IFT81: variants seen among roughly 807,000 people sequenced by gnomAD.
IFT81 encodes intraflagellar transport 81, also known as intraflagellar transport protein 81 homolog.
A neutral mutation model predicts 102.6 loss-of-function variants in IFT81; 72 were observed. The ratio of observed to expected loss-of-function variants is 0.70; its 90% CI spans 0.58 to 0.85. IFT81 has a LOEUF of 0.85. Ranked by LOEUF, IFT81 falls within the 40% of genes least tolerant of loss-of-function variation. The pLI is 0.00. For synonymous variants in IFT81, 237 were observed against 242.7 expected, an observed-to-expected ratio of 0.98 and a Z score of 0.22; for missense variants, 723 against 787.3, an observed-to-expected ratio of 0.92 and a Z score of 0.98.
At position 110,139,800 on chromosome 12, in the gene IFT81, CAATAAAATAAAATAAAATA is replaced by C. The variant is rs1434439589; in HGVS notation, c.781+2962_781+2980del. On this transcript the variant is annotated intron_variant, in intron 8 of 18. Transcript: ENST00000242591. ...AAATAAACACATACATACATACATACAATAAAATAAAATAAAATAAATAAAATAAAATAAAATAAAATAA... is the reference window on the plus strand; with the variant it reads ...AAATAAACACATACATACATACATACAATAAAATAAAATAAAATAAAATAA... 1.2e-4 allele frequency among the ~76,000 whole-genome samples: 11 copies of C among 89,632 alleles called. No individual in the cohort carries two copies. In the South Asian group the frequency reaches 3.3e-3, roughly 27 times the overall value. The allele number at this position is 89,632 out of a possible 152,430, so 58.8% of individuals were successfully genotyped here.
chr12:110,146,951 A>G lies in IFT81; in HGVS notation c.946-2A>G. ...TTTTTTTTTGCTTTCATGCTATTTT[A>G]GATAAATGAAATAAACACAGAAATT... On this transcript the variant is annotated splice_acceptor_variant, in intron 9 of 18. Transcript: ENST00000242591. LOFTEE classifies it high-confidence loss of function. 1 of 1,599,384 alleles carries G rather than the reference A, an allele frequency of 6.3e-7. No homozygotes were observed. The highest frequency in any genetic ancestry group is 8.5e-7 in the Non-Finnish European group (1 of 1,174,108).
At chr12:110,127,043 A>G (rs1459791202) in intron 1 of IFT81, among the ~76,000 whole-genome samples, 1 of 152,198 alleles carries the variant, frequency 6.6e-6, no homozygotes, top group African/African-American at 2.4e-5. Flanking sequence ...CTGGGTAGAA[A>G]TTATGCACCG....
intron 10 of IFT81, among the ~76,000 whole-genome samples, chr12:110,152,506 G>T (rs7954365): frequency 1.3e-5 from 2 of 151,894 alleles, no homozygotes; most frequent in Non-Finnish European, 2.9e-5. Context: ...CTGTTTTTTT[G>T]ATATTGAGTT....
chr12:110,135,125 C>CGA lies in IFT81; in HGVS notation c.585+112_585+113insGA, dbSNP rs1894403930. ...GCATGAGTGTACATCTGAGGATGGA[C>CGA]TCAAATAACATTGACGAAAAGGGAA... On this transcript the variant is annotated intron_variant, in intron 6 of 18. Coordinates refer to ENST00000242591, the MANE Select transcript of IFT81 (RefSeq NM_014055.4). The CGA allele has an allele frequency of 4.7e-6, 4 of 857,114 alleles. No homozygotes were observed. In the East Asian group the frequency reaches 1.0e-4, roughly 21 times the overall value. 53.1% of individuals were successfully genotyped at this position (857,114 alleles called of 1,614,324 possible). A position where few individuals can be genotyped will look rare whatever the true frequency, so the allele number is the denominator to read the frequency against.
At chr12:110,181,959 A>G (rs1897325549) in intron 12 of IFT81, among the ~76,000 whole-genome samples, 1 of 152,192 alleles carries the variant, frequency 6.6e-6, no homozygotes, top group Admixed American at 6.5e-5. Flanking sequence ...CCCATGATCA[A>G]CTTTGGAACA....
At chr12:110,139,356 GAA>G (rs1894709431) in intron 8 of IFT81, among the ~76,000 whole-genome samples, 1 of 128,838 alleles carries the variant, frequency 7.8e-6, no homozygotes. Context: ...AAAAAAAAAA[GAA>G]AAGGAAAAAA....
At chr12:110,188,844 G>A (rs567217392) in intron 12 of IFT81, among the ~76,000 whole-genome samples, 5 of 151,222 alleles carry the variant, frequency 3.3e-5, no homozygotes, top group Admixed American at 6.6e-5. Flanking sequence ...CAGGAGAATC[G>A]CTTGAACCCG....
chr12:110,134,519 C>A (rs1894367078), intron 5 of IFT81, among the ~76,000 whole-genome samples: 1 of 152,080 alleles, frequency 6.6e-6, no homozygotes, highest in African/African-American at 2.4e-5. Context: ...ATACCATAGC[C>A]TTAAAAATAA....
intron 7 of IFT81, among the ~76,000 whole-genome samples, chr12:110,136,224 ATTACTT>A (rs987394718): frequency 1.3e-5 from 2 of 152,240 alleles, no homozygotes; most frequent in African/African-American, 4.8e-5. Context: ...CTAAGAAATT[ATTACTT>A]TTACTTATTA....
At chr12:110,149,466 TAGTC>T (rs1427910483) in intron 10 of IFT81, among the ~76,000 whole-genome samples, 3 of 152,150 alleles carry the variant, frequency 2.0e-5, no homozygotes, top group African/African-American at 7.2e-5. Flanking sequence ...CGGCTTGTGT[TAGTC>T]AGCTCAATTA....
In IFT81 at chr12:110,192,603, T is replaced by G; in HGVS notation, c.1468-14T>G. ...ATTCTTTTTTAGGTGTTATATTTTT[T>G]GTTCAAATAACAGGTGAAAAAACTG... On this transcript the variant is annotated splice_polypyrimidine_tract_variant and intron_variant, in intron 13 of 18. Coordinates refer to ENST00000242591, the MANE Select transcript of IFT81 (RefSeq NM_014055.4). The G allele has an allele frequency of 7.3e-7, 1 of 1,365,394 alleles. No individual in the cohort carries two copies. The highest frequency in any genetic ancestry group is 2.3e-5 in the Admixed American group (1 of 42,786). 84.6% of individuals were successfully genotyped at this position (1,365,394 alleles called of 1,614,324 possible). A position where few individuals can be genotyped will look rare whatever the true frequency, so the allele number is the denominator to read the frequency against.
intron 10 of IFT81, among the ~76,000 whole-genome samples, chr12:110,150,710 A>G (rs1895479992): frequency 6.6e-6 from 1 of 152,216 alleles, no homozygotes; most frequent in Non-Finnish European, 1.5e-5. Flanking sequence ...CATCAAGAAT[A>G]TGATTACTAC....
intron 14 of IFT81, among the ~76,000 whole-genome samples, chr12:110,197,555 C>CATATAT (rs141544205): frequency 0.011 from 1,157 of 108,728 alleles, 10 homozygotes; most frequent in Middle Eastern, 0.034. Context: ...AGGTTTTTAT[C>CATATAT]ATATATATAT....
intron 10 of IFT81, 113 bp downstream of exon 10, chr12:110,147,161 TGTCACTG>T: frequency 2.7e-6 from 2 of 743,756 alleles, no homozygotes; most frequent in Non-Finnish European, 4.1e-6. Context: ...AATGTTGTTC[TGTCACTG>T]CTAATCTCCA....
chr12:110,140,121 T>C (rs1243535385), intron 8 of IFT81, among the ~76,000 whole-genome samples: 1 of 152,112 alleles, frequency 6.6e-6, no homozygotes, highest in Non-Finnish European at 1.5e-5. Context: ...TTTTTAATTT[T>C]ACTTTAAGTT....
chr12:110,179,736 ATATATATATATAT>A (rs2137511827), intron 11 of IFT81, among the ~76,000 whole-genome samples: 1 of 27,670 alleles, frequency 3.6e-5, no homozygotes, highest in Admixed American at 3.9e-4. Context: ...ATATATATAT[ATATATATATATAT>A]ATATATATAT....
chr12:110,177,578 C>G (rs1897093387), intron 11 of IFT81, among the ~76,000 whole-genome samples: 1 of 152,170 alleles, frequency 6.6e-6, no homozygotes, highest in Non-Finnish European at 1.5e-5. Context: ...GCCACCGCAC[C>G]TGACCAGCTC....
intron 11 of IFT81, among the ~76,000 whole-genome samples, chr12:110,163,676 C>T (rs754703425): frequency 1.5e-4 from 22 of 143,700 alleles, no homozygotes; most frequent in Non-Finnish European, 2.7e-4. Context: ...AGTGCAGTGG[C>T]GCGATCTTGG....
In IFT81 at chr12:110,126,843, C is replaced by T. The variant is rs142148371; in HGVS notation, c.-21-517C>T. Among the ~76,000 whole-genome samples the T allele has an allele frequency of 3.3e-5, 5 of 152,256 alleles. No individual in the cohort carries two copies. The East Asian group carries it at 5.8e-4, about 18-fold the overall frequency. On this transcript the variant is annotated intron_variant, in intron 1 of 18. Transcript: ENST00000242591. ...GAAGAAGGGTACTTGAAGTGTGCAGCCTCTACTCAGATGCAGTTGGTTGTG... is the reference window on the plus strand; with the variant it reads ...GAAGAAGGGTACTTGAAGTGTGCAGTCTCTACTCAGATGCAGTTGGTTGTG...
Sources: gnomAD v4.1 joint callset for allele counts (sites outside exome capture counted in the v4.1 genomes callset) on GRCh38, gnomAD v4.1.1 for gene constraint, MANE v1.5 for transcripts, NCBI Gene and HGNC (gene_info 2026-07-23, HGNC 2026-07-21) for gene names.